RXRA: variants seen among roughly 807,000 people sequenced by gnomAD.
RXRA encodes the protein retinoid X receptor alpha, also known as retinoic acid receptor RXR-alpha.
RXRA carries 5 observed loss-of-function variants against 44.5 expected under a neutral mutation model. That is an observed-to-expected ratio of 0.11 (90% CI 0.06 to 0.24). The LOEUF (loss-of-function observed/expected upper bound fraction) is 0.24, where lower values mean the gene tolerates loss of function less well. Among genes scored for constraint, RXRA ranks in the 10% least tolerant of loss-of-function variants. RXRA has a pLI of 1.00. For synonymous variants in RXRA, 291 were observed against 271.4 expected, an observed-to-expected ratio of 1.07 and a Z score of -0.71; for missense variants, 412 against 646.5, an observed-to-expected ratio of 0.64 and a Z score of 3.93.
chr9:134,380,200 C>T (rs954052210), intron 1 of RXRA: 86 of 984,880 alleles, frequency 8.7e-5, no homozygotes, highest in South Asian at 3.8e-4. Context: ...CGGTGTAGGC[C>T]GGAGGTGGCG....
At chr9:134,386,194 C>T (rs1041589874) in intron 1 of RXRA, among the ~76,000 whole-genome samples, 2 of 152,248 alleles carry the variant, frequency 1.3e-5, no homozygotes, top group African/African-American at 4.8e-5. Context: ...GCACCTCCCT[C>T]AGGCCCCTTC....
chr9:134,415,278 G>A (rs1022494506), intron 4 of RXRA, among the ~76,000 whole-genome samples: 1 of 152,184 alleles, frequency 6.6e-6, no homozygotes, highest in African/African-American at 2.4e-5. Flanking sequence ...AGGGAATCAG[G>A]GCAGGACTGG....
intron 1 of RXRA, among the ~76,000 whole-genome samples, chr9:134,341,618 G>C (rs1179830842): frequency 5.9e-5 from 9 of 152,258 alleles, no homozygotes; most frequent in Non-Finnish European, 5.9e-5. Flanking sequence ...GCGTGGGCAT[G>C]GGTGGCCCAG....
chr9:134,360,017 G>A (rs531053748), intron 1 of RXRA, among the ~76,000 whole-genome samples: 63 of 152,324 alleles, frequency 4.1e-4, no homozygotes, highest in African/African-American at 1.4e-3. Context: ...AGGACCGGGC[G>A]GGGAATGGAG....
chr9:134,370,304 G>A (rs1293374337), intron 1 of RXRA, among the ~76,000 whole-genome samples: 1 of 152,198 alleles, frequency 6.6e-6, no homozygotes, highest in African/African-American at 2.4e-5. Flanking sequence ...GCAGGGCTGC[G>A]CTGAGCTTGG....
intron 2 of RXRA, 178 bp downstream of exon 2, chr9:134,402,060 TG>T: frequency 1.7e-6 from 1 of 602,348 alleles, no homozygotes; most frequent in South Asian, 2.2e-5. Context: ...TGAGCCCAGG[TG>T]GGGCTGACTG....
intron 1 of RXRA, among the ~76,000 whole-genome samples, chr9:134,362,660 G>A (rs570938717): frequency 9.2e-5 from 14 of 152,322 alleles, no homozygotes; most frequent in African/African-American, 2.9e-4. Flanking sequence ...CGGTTAAGTC[G>A]TGGATTCCTT....
rs543207536 is a variant in RXRA at position 134,416,360 on chromosome 9, C to T, written c.611-798C>T. On this transcript the variant is annotated intron_variant, in intron 4 of 9. Transcript: ENST00000481739. ...GCTGATGAGAGTCAGCTGACCGGAG[C>T]CCATGCCTGGTGCAGATCCTGCTGC... 1.0e-3 allele frequency among the ~76,000 whole-genome samples: 158 copies of T among 152,308 alleles called. 2 individuals carry two copies. Among genetic ancestry groups the T allele is most frequent in the Non-Finnish European group, 1.7e-3 (117 of 68,006 alleles).
chr9:134,333,065 G>A (rs555793754), intron 1 of RXRA, among the ~76,000 whole-genome samples: 1 of 152,166 alleles, frequency 6.6e-6, no homozygotes, highest in Non-Finnish European at 1.5e-5. Context: ...GGGGCAGGCC[G>A]TCCAGGGGGA....
chr9:134,333,989 G>A (rs1264151075), intron 1 of RXRA, among the ~76,000 whole-genome samples: 1 of 152,252 alleles, frequency 6.6e-6, no homozygotes, highest in African/African-American at 2.4e-5. Flanking sequence ...CAGGGCTTGG[G>A]GTGGGGCTGC....
In RXRA at chr9:134,417,103, T is replaced by C; in HGVS notation, c.611-55T>C. 6.4e-7 allele frequency: 1 copy of C among 1,557,244 alleles called. No homozygotes were observed. Among genetic ancestry groups the C allele is most frequent in the South Asian group, 1.2e-5 (1 of 86,218 alleles). ...ACCACCCGGCCAGGACAGCCTTCCC[T>C]GGGAGCCACTGGCCGGGCTGAGCGT... On this transcript the variant is annotated intron_variant, in intron 4 of 9. Coordinates refer to ENST00000481739, the MANE Select transcript of RXRA (RefSeq NM_002957.6). This position sits in a 1 kb window ranked among gnomAD's most constrained non-coding sequence, Gnocchi z 6.1.
chr9:134,422,189 T>A (rs1292394866), intron 6 of RXRA: 2 of 1,107,946 alleles, frequency 1.8e-6, no homozygotes, highest in Non-Finnish European at 2.2e-6. Context: ...GGGACACACT[T>A]CCCCCTCCAG....
chr9:134,422,115 C>CCCA, intron 6 of RXRA: 1 of 1,324,660 alleles, frequency 7.5e-7, no homozygotes, highest in South Asian at 1.2e-5. Flanking sequence ...CACACTTCTA[C>CCCA]CTCCCGGGAC....
intron 4 of RXRA, among the ~76,000 whole-genome samples, chr9:134,414,533 C>T (rs771074600): frequency 2.2e-4 from 33 of 152,266 alleles, no homozygotes; most frequent in Non-Finnish European, 3.4e-4. Context: ...GCCGGGGCCA[C>T]ACGGCTGCTT....
At chr9:134,354,253 G>C (rs1229132885) in intron 1 of RXRA, among the ~76,000 whole-genome samples, 1 of 152,310 alleles carries the variant, frequency 6.6e-6, no homozygotes, top group Admixed American at 6.5e-5. Context: ...CTGGCCCTGC[G>C]GTCTCTGCGG....
In RXRA at chr9:134,417,029, A is replaced by T; in HGVS notation, c.611-129A>T. ...GGCAGAGATGGGGTCTCCATCACCC[A>T]GTGCTGGTGGGGATGCTGGTGTTGT... On this transcript the variant is annotated intron_variant, in intron 4 of 9. Transcript: ENST00000481739. This position sits in a 1 kb window ranked among gnomAD's most constrained non-coding sequence, Gnocchi z 6.1. The T allele has an allele frequency of 1.0e-6, 1 of 952,792 alleles. No homozygotes were observed. Among genetic ancestry groups the T allele is most frequent in the Non-Finnish European group, 1.6e-6 (1 of 640,990 alleles). The allele number at this position is 952,792 out of a possible 1,614,324, so 59.0% of individuals were successfully genotyped here.
Position 134,401,260 on chromosome 9 carries a change from G to A in RXRA, c.29-372G>A, listed in dbSNP as rs1364144885. ...AGTCCCTGTGGAGATGGGCAGAGGG[G>A]CTGACTAGTCCCGGCCACCAGCCAC... On this transcript the variant is annotated intron_variant, in intron 1 of 9. Coordinates refer to ENST00000481739, the MANE Select transcript of RXRA (RefSeq NM_002957.6). 5 of 322,520 alleles carry A rather than the reference G, an allele frequency of 1.6e-5. No individual in the cohort carries two copies. The Admixed American group carries it at 2.0e-4, about 13-fold the overall frequency. 20.0% of individuals were successfully genotyped at this position (322,520 alleles called of 1,614,324 possible).
intron 5 of RXRA, among the ~76,000 whole-genome samples, chr9:134,420,610 A>G (rs1238486222): frequency 6.6e-6 from 1 of 152,160 alleles, no homozygotes; most frequent in Non-Finnish European, 1.5e-5. Flanking sequence ...TGATGAGCAG[A>G]TGGTTGCTGT....
chr9:134,358,881 G>T (rs956632602), intron 1 of RXRA, among the ~76,000 whole-genome samples: 4 of 152,236 alleles, frequency 2.6e-5, no homozygotes, highest in Non-Finnish European at 5.9e-5. Context: ...GAGTCCCCGG[G>T]GCCTGCTGCT....
Sources: allele counts gnomAD v4.1 joint callset (sites outside exome capture counted in the v4.1 genomes callset), GRCh38; gene constraint gnomAD v4.1.1; non-coding constraint Gnocchi (gnomAD v3.1); transcripts MANE v1.5; gene names NCBI Gene and HGNC (gene_info 2026-07-23, HGNC 2026-07-21).